The following SLC9A9 variants were observed in gnomAD, a reference collection of about 807,000 sequenced individuals.
The protein encoded by SLC9A9 is sodium/hydrogen exchanger 9.
Under a neutral mutation model 77.8 loss-of-function variants are expected in SLC9A9, and 62 were observed. The observed-to-expected ratio is 0.80, with a 90% CI of 0.65 to 0.98. The LOEUF (loss-of-function observed/expected upper bound fraction) is 0.98. SLC9A9 is among the 50% of genes least tolerant of loss of function. The probability of loss-of-function intolerance (pLI) is 0.00; values close to 1 mark genes in which losing one functional copy is unlikely to be tolerated. For missense variants in SLC9A9, 775 were observed against 774.9 expected (o/e 1.00, Z 0.00); for synonymous variants, 320 against 283.5 (o/e 1.13, Z -1.29).
chr3:143,756,967 G>A (rs538138049), intron 4 of SLC9A9, among the ~76,000 whole-genome samples: 25 of 152,166 alleles, frequency 1.6e-4, no homozygotes, highest in African/African-American at 5.8e-4. Context: ...TTTAGAAAAC[G>A]CATAAATCAT....
At chr3:143,661,113 ATGG>A in intron 5 of SLC9A9, among the ~76,000 whole-genome samples, 2 of 152,314 alleles carry the variant, frequency 1.3e-5, no homozygotes, top group South Asian at 4.1e-4. Context: ...TGAGATGGGA[ATGG>A]TGAAGTCCAA....
rs553154355 is a variant in SLC9A9, at chr3:143,819,370, G to T, written c.378+12649C>A. Among the ~76,000 whole-genome samples, 6 of 152,326 alleles carry T rather than the reference G, an allele frequency of 3.9e-5. 2 individuals carry two copies. The highest frequency in any genetic ancestry group is 1.4e-4 in the African/African-American group (6 of 41,564). On this transcript the variant is annotated intron_variant, in intron 2 of 15. Transcript: ENST00000316549. The stretch of plus-strand genomic sequence containing the variant: ...TGCCTATGACTCCAGGCAAAATTAA[G>T]TGGTGAATTAAGACCAAAACATCTA...
At chr3:143,349,191 T>C (rs2032383830) in intron 14 of SLC9A9, among the ~76,000 whole-genome samples, 1 of 152,198 alleles carries the variant, frequency 6.6e-6, no homozygotes, top group South Asian at 2.1e-4. Context: ...ACACTTAGCA[T>C]TTTCAGTCCA....
intron 6 of SLC9A9, among the ~76,000 whole-genome samples, chr3:143,641,035 A>G (rs2038612264): frequency 1.3e-5 from 2 of 152,162 alleles, no homozygotes; most frequent in Non-Finnish European, 2.9e-5. Context: ...AACTGGAGAG[A>G]ACTGAACAGG....
chr3:143,829,180 T>C (rs2009374437), intron 2 of SLC9A9, among the ~76,000 whole-genome samples: 1 of 152,214 alleles, frequency 6.6e-6, no homozygotes, highest in African/African-American at 2.4e-5. Flanking sequence ...GTGATACGTA[T>C]ATGCAGATCC....
At chr3:143,312,157 C>T (rs1413517109) in intron 14 of SLC9A9, among the ~76,000 whole-genome samples, 1 of 152,162 alleles carries the variant, frequency 6.6e-6, no homozygotes, top group Non-Finnish European at 1.5e-5. Context: ...TATGGCATAA[C>T]CTACTTCTGT....
At chr3:143,548,019 T>A (rs1441332681) in intron 9 of SLC9A9, among the ~76,000 whole-genome samples, 1 of 152,238 alleles carries the variant, frequency 6.6e-6, no homozygotes, top group Non-Finnish European at 1.5e-5. Context: ...GAGAGTTACC[T>A]CTTAGGTAGA....
At chr3:143,539,613 TCAAA>T (rs931155071) in intron 9 of SLC9A9, among the ~76,000 whole-genome samples, 7 of 152,118 alleles carry the variant, frequency 4.6e-5, no homozygotes, top group African/African-American at 1.7e-4. Context: ...CTTACACCTA[TCAAA>T]CAGGATGATA....
intron 8 of SLC9A9, among the ~76,000 whole-genome samples, chr3:143,567,685 A>G (rs2037189907): frequency 6.6e-6 from 1 of 152,206 alleles, no homozygotes; most frequent in Admixed American, 6.6e-5. Context: ...CCCTTGAAGC[A>G]AAAGATGATC....
chr3:143,762,281 G>A (rs2007158229), intron 4 of SLC9A9, among the ~76,000 whole-genome samples: 1 of 152,160 alleles, frequency 6.6e-6, no homozygotes, highest in Non-Finnish European at 1.5e-5. Flanking sequence ...CATGGCACAT[G>A]TATACATATG....
chr3:143,487,113 C>G (rs953936436), intron 11 of SLC9A9, among the ~76,000 whole-genome samples: 31 of 151,712 alleles, frequency 2.0e-4, no homozygotes, highest in Admixed American at 2.0e-3. Flanking sequence ...GACCAAAAAA[C>G]AGAAGGGAGT....
At chr3:143,486,890 A>G (rs1430762418) in intron 11 of SLC9A9, among the ~76,000 whole-genome samples, 1 of 152,070 alleles carries the variant, frequency 6.6e-6, no homozygotes, top group East Asian at 1.9e-4. Flanking sequence ...TGTAAGGTAT[A>G]TAGAAAATAT....
intron 4 of SLC9A9, among the ~76,000 whole-genome samples, chr3:143,703,777 A>G (rs11927607): frequency 0.53 from 80,903 of 151,768 alleles, 21,950 homozygotes; most frequent in Non-Finnish European, 0.57. Flanking sequence ...ACAAAAAGTC[A>G]GTTGTTTTAT....
intron 2 of SLC9A9, among the ~76,000 whole-genome samples, chr3:143,812,623 C>T (rs1327866016): frequency 6.6e-6 from 1 of 152,170 alleles, no homozygotes; most frequent in Non-Finnish European, 1.5e-5. Context: ...TTCAGGCCAA[C>T]TGAATATGGA....
At chr3:143,692,524 T>C (rs1250471163) in intron 5 of SLC9A9, among the ~76,000 whole-genome samples, 2 of 152,198 alleles carry the variant, frequency 1.3e-5, no homozygotes, top group African/African-American at 4.8e-5. Flanking sequence ...ATTTGATAAT[T>C]GCTGAAGGGC....
At chr3:143,417,962 T>A (rs2108525143) in intron 12 of SLC9A9, among the ~76,000 whole-genome samples, 1 of 151,954 alleles carries the variant, frequency 6.6e-6, no homozygotes, top group East Asian at 2.0e-4. Context: ...TCTGCTGCCA[T>A]CCCATTCTAC....
chr3:143,707,676 C>T (rs1055196444), intron 4 of SLC9A9, among the ~76,000 whole-genome samples: 3 of 152,090 alleles, frequency 2.0e-5, no homozygotes, highest in Admixed American at 6.6e-5. Flanking sequence ...TTTAACTTGG[C>T]TGTAAGAGGA....
intron 14 of SLC9A9, among the ~76,000 whole-genome samples, chr3:143,312,748 A>G (rs1420687232): frequency 1.3e-5 from 2 of 152,184 alleles, no homozygotes; most frequent in East Asian, 3.9e-4. Flanking sequence ...ACAGCTGATC[A>G]CTATTTTCTA....
Position 143,740,509 on chromosome 3 carries a change from G to C in SLC9A9, c.534-47202C>G, listed in dbSNP as rs144777559. 4.9e-3 allele frequency among the ~76,000 whole-genome samples: 750 copies of C among 152,172 alleles called. 5 individuals are homozygous for C. Among genetic ancestry groups the C allele is most frequent in the African/African-American group, 0.017 (712 of 41,510 alleles). On this transcript the variant is annotated intron_variant, in intron 4 of 15. Transcript: ENST00000316549. ...TGTTTTTGAAATCATAGTTCAGTAG[G>C]CTAGTTATATGTTTCTTCTAGTAAA...
Sources: gnomAD v4.1 joint callset for allele counts (sites outside exome capture counted in the v4.1 genomes callset) on GRCh38, gnomAD v4.1.1 for gene constraint, MANE v1.5 for transcripts, NCBI Gene and HGNC (gene_info 2026-07-23, HGNC 2026-07-21) for gene names.